The following TPRG1 variants were observed in gnomAD, a reference collection of about 807,000 sequenced individuals.
TPRG1 encodes the protein tumor protein p63-regulated gene 1 protein.
A neutral mutation model predicts 29.3 loss-of-function variants in TPRG1; 29 were observed. The observed-to-expected ratio is 0.99, with a 90% CI of 0.74 to 1.35. The LOEUF (loss-of-function observed/expected upper bound fraction) is 1.35, where lower values mean the gene tolerates loss of function less well. TPRG1 is among the 40% of genes most tolerant of loss of function. The probability of loss-of-function intolerance (pLI) is 0.00; values close to 1 mark genes in which losing one functional copy is unlikely to be tolerated. For synonymous variants in TPRG1, 130 were observed against 116.8 expected (o/e 1.11, Z -0.73); for missense variants, 327 against 335.0 (o/e 0.98, Z 0.19).
chr3:189,182,829 A>T (rs1351202112), intron 1 of TPRG1, among the ~76,000 whole-genome samples: 1 of 152,152 alleles, frequency 6.6e-6, no homozygotes, highest in Non-Finnish European at 1.5e-5. Context: ...AATAATAATT[A>T]TATATCTTTA....
intron 5 of TPRG1, among the ~76,000 whole-genome samples, chr3:189,161,038 C>T (rs764995608): frequency 6.6e-6 from 1 of 152,188 alleles, no homozygotes; most frequent in Non-Finnish European, 1.5e-5. Flanking sequence ...TCATTGTATT[C>T]CTTCCTTGTG....
At chr3:189,282,662 C>A (rs1304984257) in intron 4 of TPRG1, among the ~76,000 whole-genome samples, 1 of 152,136 alleles carries the variant, frequency 6.6e-6, no homozygotes, top group East Asian at 1.9e-4. Flanking sequence ...ATGCCTTGGG[C>A]ATTTCAAGAA....
intron 1 of TPRG1, 122 bp from the exon 2 acceptor site, chr3:189,207,254 A>C: frequency 7.0e-7 from 1 of 1,436,534 alleles, no homozygotes; most frequent in Non-Finnish European, 9.3e-7. Context: ...TGTTTAGTTA[A>C]CATGAAGGAT....
chr3:189,215,448 A>T, intron 3 of TPRG1, 65 bp downstream of exon 3: 2 of 1,289,232 alleles, frequency 1.6e-6, no homozygotes, highest in Non-Finnish European at 2.2e-6. Flanking sequence ...TCACTGTAGC[A>T]GAATAGGAGA....
chr3:189,051,847 G>A (rs994299169), intron 4 of TPRG1, among the ~76,000 whole-genome samples: 1 of 152,260 alleles, frequency 6.6e-6, no homozygotes. Context: ...AGTGGGGAAA[G>A]GACACCCTTT....
At chr3:189,006,933 A>C (rs1302249373) in intron 3 of TPRG1, among the ~76,000 whole-genome samples, 1 of 152,156 alleles carries the variant, frequency 6.6e-6, no homozygotes, top group Non-Finnish European at 1.5e-5. Flanking sequence ...TCCTTTAAGA[A>C]AATGATTCCC....
At chr3:189,225,676 C>A (rs936517989) in intron 3 of TPRG1, among the ~76,000 whole-genome samples, 6 of 151,702 alleles carry the variant, frequency 4.0e-5, no homozygotes, top group Non-Finnish European at 7.4e-5. Context: ...GCATTGTCTT[C>A]TCTCTAAGGG....
chr3:189,057,538 T>G (rs1715780792), intron 4 of TPRG1, among the ~76,000 whole-genome samples: 1 of 151,184 alleles, frequency 6.6e-6, no homozygotes, highest in African/African-American at 2.4e-5. Flanking sequence ...GGCTCTTTTC[T>G]ACAACCCCAT....
intron 4 of TPRG1, among the ~76,000 whole-genome samples, chr3:189,252,101 G>A (rs1742367548): frequency 6.6e-6 from 1 of 152,176 alleles, no homozygotes; most frequent in Admixed American, 6.6e-5. Context: ...CTCTTAAGGA[G>A]CATGCTGCCT....
At chr3:189,048,388 G>A (rs999575329) in intron 4 of TPRG1, among the ~76,000 whole-genome samples, 1 of 152,128 alleles carries the variant, frequency 6.6e-6, no homozygotes, top group Non-Finnish European at 1.5e-5. Context: ...TCTATTTAAA[G>A]AGCACAGTCT....
rs141536633 is a variant in TPRG1, at chr3:189,144,173, G to T, written c.-290-3411G>T. On this transcript the variant is annotated intron_variant, in intron 3 of 6. Transcript: ENST00000412373. ...TATAACAAATACTTCTTGAGCCCTTGCTATGCTCTTGACACTGGGAGTACA... is the reference window on the plus strand; with the variant it reads ...TATAACAAATACTTCTTGAGCCCTTTCTATGCTCTTGACACTGGGAGTACA... Among the ~76,000 whole-genome samples, 440 of 152,244 alleles carry T rather than the reference G, an allele frequency of 2.9e-3. 2 individuals carry two copies. Among genetic ancestry groups the T allele is most frequent in the African/African-American group, 9.2e-3 (384 of 41,520 alleles).
intron 3 of TPRG1, among the ~76,000 whole-genome samples, chr3:189,138,207 C>G (rs1302162765): frequency 6.6e-6 from 1 of 151,962 alleles, no homozygotes; most frequent in Non-Finnish European, 1.5e-5. Context: ...AATTGGAGTT[C>G]AGGAGAGAAG....
chr3:189,275,157 T>A (rs1420281938), intron 4 of TPRG1, among the ~76,000 whole-genome samples: 1 of 152,134 alleles, frequency 6.6e-6, no homozygotes, highest in Non-Finnish European at 1.5e-5. Flanking sequence ...CAAATCAATC[T>A]TCTACTTGAC....
At chr3:189,021,109 T>C (rs1713280297) in intron 3 of TPRG1, among the ~76,000 whole-genome samples, 1 of 146,616 alleles carries the variant, frequency 6.8e-6, no homozygotes, top group Non-Finnish European at 1.5e-5. Flanking sequence ...TCCTTTTATT[T>C]TGAGCCTATG....
intron 2 of TPRG1, among the ~76,000 whole-genome samples, chr3:189,129,317 T>C (rs1353982491): frequency 6.6e-6 from 1 of 152,190 alleles, no homozygotes; most frequent in East Asian, 1.9e-4. Flanking sequence ...TCTGATCTTT[T>C]CTTGGGACTA....
intron 4 of TPRG1, among the ~76,000 whole-genome samples, chr3:189,292,986 T>G (rs1190421070): frequency 6.6e-6 from 1 of 152,184 alleles, no homozygotes; most frequent in Non-Finnish European, 1.5e-5. Flanking sequence ...GTCCCACATG[T>G]GCTTGTTTTG....
At chr3:189,129,247 G>A (rs1722839894) in intron 2 of TPRG1, among the ~76,000 whole-genome samples, 1 of 152,020 alleles carries the variant, frequency 6.6e-6, no homozygotes, top group Non-Finnish European at 1.5e-5. Context: ...TTTCATGATT[G>A]TGACACTTTT....
At chr3:189,220,818 C>G (rs1389378974) in intron 3 of TPRG1, among the ~76,000 whole-genome samples, 1 of 152,052 alleles carries the variant, frequency 6.6e-6, no homozygotes, top group Non-Finnish European at 1.5e-5. Flanking sequence ...GTATATGTAC[C>G]ACATTTTCTT....
At chr3:189,224,353 G>T (rs1737381514) in intron 3 of TPRG1, among the ~76,000 whole-genome samples, 1 of 152,114 alleles carries the variant, frequency 6.6e-6, no homozygotes, top group East Asian at 1.9e-4. Flanking sequence ...TGGTGACGTG[G>T]CCTGTAGTCC....
Sources: gnomAD v4.1 joint callset for allele counts (sites outside exome capture counted in the v4.1 genomes callset) on GRCh38, gnomAD v4.1.1 for gene constraint, MANE v1.5 for transcripts, NCBI Gene and HGNC (gene_info 2026-07-23, HGNC 2026-07-21) for gene names.